Variants in DCLK1 observed in about 807,000 individuals in gnomAD.
DCLK1 encodes the protein doublecortin like kinase 1.
In DCLK1, 16 loss-of-function variants were observed where a neutral mutation model predicts 86.2. That is an observed-to-expected ratio of 0.19 (90% CI 0.13 to 0.28). The LOEUF (loss-of-function observed/expected upper bound fraction) is 0.28. Ranked by LOEUF, DCLK1 falls within the 10% of genes least tolerant of loss-of-function variation. DCLK1 has a pLI of 1.00. For missense variants in DCLK1, 590 were observed against 940.2 expected, an observed-to-expected ratio of 0.63 and a Z score of 4.87; for synonymous variants, 369 against 370.5, an observed-to-expected ratio of 1.00 and a Z score of 0.05.
intron 10 of DCLK1, among the ~76,000 whole-genome samples, chr13:35,823,634 C>T (rs746828516): frequency 3.3e-5 from 5 of 152,120 alleles, no homozygotes; most frequent in East Asian, 3.9e-4. Context: ...TTTTTAAGTT[C>T]CAACCTAAGT....
At chr13:36,107,855 C>A (rs1188852235) in intron 3 of DCLK1, among the ~76,000 whole-genome samples, 4 of 152,216 alleles carry the variant, frequency 2.6e-5, no homozygotes, top group Non-Finnish European at 4.4e-5. Flanking sequence ...TAGTTATACT[C>A]CAAATGGCCT....
intron 3 of DCLK1, among the ~76,000 whole-genome samples, chr13:36,056,818 C>A (rs1343031603): frequency 6.7e-6 from 1 of 148,614 alleles, no homozygotes; most frequent in Non-Finnish European, 1.5e-5. Context: ...ATGGGGTGAA[C>A]CCAGGAGGCA....
At chr13:35,902,728 A>C (rs1269296669) in intron 4 of DCLK1, among the ~76,000 whole-genome samples, 2 of 152,238 alleles carry the variant, frequency 1.3e-5, no homozygotes, top group South Asian at 2.1e-4. Context: ...TGACAGGTGA[A>C]GGCTGCTGCT....
intron 1 of DCLK1, among the ~76,000 whole-genome samples, chr13:36,129,854 C>T (rs1032576231): frequency 6.6e-6 from 1 of 152,052 alleles, no homozygotes; most frequent in Non-Finnish European, 1.5e-5. Flanking sequence ...AAACCAACAT[C>T]CCTGATTGTT....
chr13:36,117,821 A>G (rs1441349879), intron 2 of DCLK1, among the ~76,000 whole-genome samples: 1 of 151,896 alleles, frequency 6.6e-6, no homozygotes, highest in Non-Finnish European at 1.5e-5. Flanking sequence ...TGTCTATGAA[A>G]AGATTCCACC....
chr13:35,790,528 G>A (rs2086692862), intron 16 of DCLK1, among the ~76,000 whole-genome samples: 1 of 152,068 alleles, frequency 6.6e-6, no homozygotes, highest in Non-Finnish European at 1.5e-5. Context: ...TAGTCCCATG[G>A]TAAAGGCGGT....
intron 3 of DCLK1, among the ~76,000 whole-genome samples, chr13:35,973,735 G>C (rs1200365253): frequency 6.6e-6 from 1 of 152,220 alleles, no homozygotes; most frequent in African/African-American, 2.4e-5. Context: ...GGAAGGACAG[G>C]CAGGGTCAAG....
At chr13:35,847,981 T>A (rs1039392083) in intron 6 of DCLK1, 2 of 985,190 alleles carry the variant, frequency 2.0e-6, no homozygotes, top group African/African-American at 3.5e-5. Context: ...TCATACTTTA[T>A]ATATTTTTAA....
chr13:36,036,228 G>T (rs763821474), intron 3 of DCLK1, among the ~76,000 whole-genome samples: 6 of 152,130 alleles, frequency 3.9e-5, no homozygotes, highest in Non-Finnish European at 8.8e-5. Flanking sequence ...ATAAAAAGTG[G>T]GTATAAATAT....
In DCLK1 at chr13:35,906,127, T is replaced by C. The variant is rs952522902; in HGVS notation, c.824-34787A>G. Among the ~76,000 whole-genome samples the C allele has an allele frequency of 2.0e-5, 3 of 152,182 alleles. No individual in the cohort carries two copies. In the South Asian group the frequency reaches 6.2e-4, roughly 32 times the overall value. On this transcript the variant is annotated intron_variant, in intron 4 of 16. Coordinates refer to ENST00000360631, the MANE Select transcript of DCLK1 (RefSeq NM_001330071.2). ...AGCTTCCAGGACCACTCTATCCTGT[T>C]CCAAATTACTGGAATAATCCAGACA...
intron 10 of DCLK1, 133 bp from the exon 11 acceptor site, chr13:35,823,008 G>T: frequency 9.2e-7 from 1 of 1,084,896 alleles, no homozygotes; most frequent in Non-Finnish European, 1.3e-6. Context: ...GGCTTTTCCT[G>T]CTACTTTCCT....
chr13:35,784,939 C>T lies in DCLK1; in HGVS notation c.2058+8427G>A, dbSNP rs140619075. On this transcript the variant is annotated intron_variant, in intron 16 of 16. Coordinates refer to ENST00000360631, the MANE Select transcript of DCLK1 (RefSeq NM_001330071.2). The stretch of plus-strand genomic sequence containing the variant: ...TCTCAAACCTGCACGGAGCAAGATG[C>T]GTTTAACTGACCCCATTCCTTTTAA... Among the ~76,000 whole-genome samples, 98 of 152,254 alleles carry T rather than the reference C, an allele frequency of 6.4e-4. 1 individual carries two copies. Among genetic ancestry groups the T allele is most frequent in the Middle Eastern group, 3.4e-3 (1 of 294 alleles).
At chr13:36,104,558 T>C (rs1885326962) in intron 3 of DCLK1, among the ~76,000 whole-genome samples, 1 of 152,180 alleles carries the variant, frequency 6.6e-6, no homozygotes, top group Admixed American at 6.5e-5. Flanking sequence ...AGGTTCTTGC[T>C]TTGCAGAGCT....
At chr13:36,113,586 G>T (rs1885685282) in intron 2 of DCLK1, among the ~76,000 whole-genome samples, 2 of 152,122 alleles carry the variant, frequency 1.3e-5, no homozygotes, top group Non-Finnish European at 1.5e-5. Context: ...TTCATGGAGT[G>T]ATGACCTGCA....
intron 7 of DCLK1, 86 bp downstream of exon 7, chr13:35,839,006 T>A (rs1286555504): frequency 1.6e-6 from 2 of 1,277,920 alleles, no homozygotes; most frequent in East Asian, 2.5e-5. Flanking sequence ...GTCCATGTCA[T>A]TCCGCTTGAG....
At chr13:35,923,334 C>T (rs920116683) in intron 4 of DCLK1, among the ~76,000 whole-genome samples, 2 of 151,812 alleles carry the variant, frequency 1.3e-5, no homozygotes, top group Non-Finnish European at 2.9e-5. Flanking sequence ...ACTTCCAACC[C>T]GGCTCTGGAG....
intron 4 of DCLK1, among the ~76,000 whole-genome samples, chr13:35,928,942 T>C (rs926828930): frequency 1.3e-5 from 2 of 152,190 alleles, no homozygotes; most frequent in Non-Finnish European, 2.9e-5. Context: ...ATACACTTTA[T>C]TTTTTGAGAC....
chr13:35,963,016 G>A (rs1172243719), intron 3 of DCLK1, among the ~76,000 whole-genome samples: 1 of 152,146 alleles, frequency 6.6e-6, no homozygotes, highest in Non-Finnish European at 1.5e-5. Flanking sequence ...TTCTAAGATA[G>A]AAACAAGGAA....
chr13:35,947,320 T>C, intron 4 of DCLK1, 38 bp downstream of exon 4: 1 of 1,580,618 alleles, frequency 6.3e-7, no homozygotes, highest in Non-Finnish European at 8.7e-7. Flanking sequence ...GAAAGCTGCC[T>C]CAAATTTCCC....
Sources: allele counts gnomAD v4.1 joint callset (sites outside exome capture counted in the v4.1 genomes callset), GRCh38; gene constraint gnomAD v4.1.1; transcripts MANE v1.5; gene names NCBI Gene and HGNC (gene_info 2026-07-23, HGNC 2026-07-21).